ETS1: variants seen among roughly 807,000 people sequenced by gnomAD.
The protein encoded by ETS1 is protein C-ets-1.
ETS1 carries 15 observed loss-of-function variants against 58.6 expected under a neutral mutation model. That is an observed-to-expected ratio of 0.26 (90% CI 0.17 to 0.39). The LOEUF (loss-of-function observed/expected upper bound fraction) is 0.39, where lower values mean the gene tolerates loss of function less well. Ranked by LOEUF, ETS1 falls within the 10% of genes least tolerant of loss-of-function variation. The probability of loss-of-function intolerance (pLI) is 1.00; values close to 1 mark genes in which losing one functional copy is unlikely to be tolerated. For missense variants in ETS1, 417 were observed against 610.5 expected (o/e 0.68, Z 3.34); for synonymous variants, 214 against 218.2 (o/e 0.98, Z 0.17).
intron 3 of ETS1, chr11:128,527,018 T>C (rs1435859454): frequency 2.2e-6 from 1 of 454,448 alleles, no homozygotes; most frequent in African/African-American, 2.0e-5. Flanking sequence ...TGCATTTACT[T>C]TGCATTTCAC....
chr11:128,585,041 A>AAAG (rs1565421172), intron 1 of ETS1, among the ~76,000 whole-genome samples: 3 of 13,768 alleles, frequency 2.2e-4, no homozygotes, highest in Non-Finnish European at 3.6e-4. Flanking sequence ...GAAAAGAAAG[A>AAAG]AAGAAAGAAA....
At chr11:128,562,718 C>A (rs1389259841) in intron 2 of ETS1, among the ~76,000 whole-genome samples, 1 of 152,194 alleles carries the variant, frequency 6.6e-6, no homozygotes, top group African/African-American at 2.4e-5. Context: ...AAAGCCACCA[C>A]CTGGGCCGAC....
chr11:128,544,168 T>C (rs1864095631), intron 3 of ETS1, among the ~76,000 whole-genome samples: 1 of 151,942 alleles, frequency 6.6e-6, no homozygotes, highest in South Asian at 2.1e-4. Context: ...GAAACTGCCC[T>C]AAATGTCATA....
intron 8 of ETS1, among the ~76,000 whole-genome samples, chr11:128,471,670 T>TG: frequency 6.6e-6 from 1 of 152,296 alleles, no homozygotes. Context: ...GGTTTGGATT[T>TG]GGGGGAAGGG....
intron 7 of ETS1, among the ~76,000 whole-genome samples, chr11:128,483,038 A>T (rs750301032): frequency 2.0e-5 from 3 of 152,258 alleles, no homozygotes; most frequent in Non-Finnish European, 4.4e-5. Context: ...GTCTAGACCA[A>T]TCACAGCATC....
intron 3 of ETS1, among the ~76,000 whole-genome samples, chr11:128,554,056 C>T (rs901290902): frequency 1.3e-5 from 2 of 152,170 alleles, no homozygotes; most frequent in African/African-American, 2.4e-5. Context: ...TTCCCTATAA[C>T]CCCACAATCC....
intron 3 of ETS1, among the ~76,000 whole-genome samples, chr11:128,555,986 C>T (rs1037901411): frequency 3.9e-5 from 6 of 152,210 alleles, no homozygotes; most frequent in Non-Finnish European, 8.8e-5. Flanking sequence ...TCTGTGACTG[C>T]AAAACTTCTA....
chr11:128,512,990 A>G (rs1318559221), intron 3 of ETS1, among the ~76,000 whole-genome samples: 1 of 152,278 alleles, frequency 6.6e-6, no homozygotes, highest in Non-Finnish European at 1.5e-5. Flanking sequence ...CTGCAACTGC[A>G]GCAACGGCTC....
intron 8 of ETS1, among the ~76,000 whole-genome samples, chr11:128,479,405 A>C (rs1328429034): frequency 6.6e-6 from 1 of 152,238 alleles, no homozygotes; most frequent in African/African-American, 2.4e-5. Context: ...GAGAGATCTG[A>C]TGATTAACAC....
intron 3 of ETS1, among the ~76,000 whole-genome samples, chr11:128,516,804 CA>C (rs1315046827): frequency 5.9e-5 from 9 of 152,198 alleles, no homozygotes; most frequent in African/African-American, 2.2e-4. Flanking sequence ...GGCCTCTCTG[CA>C]AGCAGGATAA....
intron 3 of ETS1, chr11:128,522,343 G>C: frequency 9.8e-7 from 1 of 1,024,680 alleles, no homozygotes; most frequent in Non-Finnish European, 1.2e-6. Context: ...GCCCTCCCGC[G>C]CTCTCCCCTC....
chr11:128,573,102 C>T lies in ETS1; in HGVS notation c.29G>A (p.Ser10Asn). The change falls in exon 2 of 10, where the codon AGC becomes AAC. Residue 10 changes from serine (S) to asparagine (N), a missense_variant. Ser to Asn is a conservative substitution (Grantham distance 46). Transcript: ENST00000392668. ...AGGCGCTGAGTAAGGGACGGGGCTG[C>T]TCCCAGCAGAATCCACAAAGTAGCT... is the stretch of plus-strand genomic sequence containing the variant. MSYFVDSAGSSPVPYSAPRP... is the reference protein window; with the variant it reads MSYFVDSAGNSPVPYSAPRP... 1 of 1,600,754 alleles carries T rather than the reference C, an allele frequency of 6.2e-7. No individual in the cohort carries two copies. Among genetic ancestry groups the T allele is most frequent in the Non-Finnish European group, 8.5e-7 (1 of 1,173,786 alleles).
At chr11:128,520,816 C>T (rs543682481) in intron 3 of ETS1, among the ~76,000 whole-genome samples, 10 of 152,194 alleles carry the variant, frequency 6.6e-5, no homozygotes, top group African/African-American at 1.4e-4. Flanking sequence ...GTTTAAGCAG[C>T]GTAAGAAAGG....
Position 128,509,549 on chromosome 11 carries a change from AATTTT to A in ETS1, c.215-18978_215-18974del, listed in dbSNP as rs1565388577. Reference sequence around the variant, plus strand: ...AAATGCACCATGGAAATCAGGTGAAAATTTTTTTTTTTTTTTTTTTTTTTTTTACT... The same window carrying A: ...AAATGCACCATGGAAATCAGGTGAAATTTTTTTTTTTTTTTTTTTTTTACT... On this transcript the variant is annotated intron_variant, in intron 3 of 9. Coordinates refer to ENST00000392668, the MANE Select transcript of ETS1 (RefSeq NM_001143820.2). 1.1e-4 allele frequency among the ~76,000 whole-genome samples: 14 copies of A among 129,618 alleles called. 1 individual carries two copies. The highest frequency in any genetic ancestry group is 2.4e-4 in the Admixed American group (3 of 12,468). 85.0% of individuals were successfully genotyped at this position (129,618 alleles called of 152,430 possible).
At chr11:128,476,436 A>G (rs1013142101) in intron 8 of ETS1, among the ~76,000 whole-genome samples, 1 of 152,270 alleles carries the variant, frequency 6.6e-6, no homozygotes, top group African/African-American at 2.4e-5. Context: ...CAGGTGAGAC[A>G]TTTGGTGCTT....
At chr11:128,521,624 C>T in intron 3 of ETS1, among the ~76,000 whole-genome samples, 1 of 152,306 alleles carries the variant, frequency 6.6e-6, no homozygotes, top group African/African-American at 2.4e-5. Flanking sequence ...ATAAAAAAAG[C>T]AGGAATGGGG....
chr11:128,506,173 G>T (rs963065679), intron 3 of ETS1, among the ~76,000 whole-genome samples: 1 of 152,184 alleles, frequency 6.6e-6, no homozygotes, highest in African/African-American at 2.4e-5. Context: ...TCTTTTGGGA[G>T]TGATGAAAAC....
chr11:128,574,978 C>T (rs1864712740), intron 1 of ETS1, among the ~76,000 whole-genome samples: 1 of 152,094 alleles, frequency 6.6e-6, no homozygotes, highest in Non-Finnish European at 1.5e-5. Context: ...TTTGGAATTC[C>T]CCCCAGTGAT....
At chr11:128,581,416 T>G (rs773445226) in intron 1 of ETS1, among the ~76,000 whole-genome samples, 3 of 152,214 alleles carry the variant, frequency 2.0e-5, no homozygotes, top group Non-Finnish European at 4.4e-5. Flanking sequence ...GTACAAATGC[T>G]ATGCCTCAAA....
Sources: gnomAD v4.1 joint callset for allele counts (sites outside exome capture counted in the v4.1 genomes callset) on GRCh38, gnomAD v4.1.1 for gene constraint, MANE v1.5 for transcripts, NCBI Gene and HGNC (gene_info 2026-07-23, HGNC 2026-07-21) for gene names.